BRD10: variants seen among roughly 807,000 people sequenced by gnomAD.
The protein encoded by BRD10 is uncharacterized bromodomain-containing protein 10.
chr9:5,970,914 T>C, the BRD10 span, among the ~76,000 whole-genome samples: 2,243 of 151,822 alleles, frequency 0.015, 42 homozygotes, highest in African/African-American at 0.047. Context: ...TAGCTGGGCA[T>C]GGTGGCACAT....
the BRD10 span, among the ~76,000 whole-genome samples, chr9:5,979,342 C>G: frequency 6.6e-6 from 1 of 152,030 alleles, no homozygotes; most frequent in African/African-American, 2.4e-5. Flanking sequence ...AGTGAGACCT[C>G]GTCTTTACGA....
the BRD10 span, among the ~76,000 whole-genome samples, chr9:5,915,638 A>T: frequency 6.6e-6 from 1 of 152,176 alleles, no homozygotes; most frequent in South Asian, 2.1e-4. Flanking sequence ...CCCAGTTATA[A>T]ACGTACTTGC....
the BRD10 span, among the ~76,000 whole-genome samples, chr9:5,947,420 A>T: frequency 0.24 from 36,903 of 151,920 alleles, 4,653 homozygotes; most frequent in South Asian, 0.36. Flanking sequence ...TGAGTATGAA[A>T]ATACAAGATT....
chr9:6,007,902 G>C, the BRD10 span: 36 of 1,363,446 alleles, frequency 2.6e-5, no homozygotes, highest in African/African-American at 9.2e-5. Flanking sequence ...CCGCCACATC[G>C]GGCCTGGCTC....
the BRD10 span, among the ~76,000 whole-genome samples, chr9:5,975,401 T>A: frequency 8.2e-6 from 1 of 122,106 alleles, no homozygotes; most frequent in Non-Finnish European, 1.6e-5. Context: ...ATCGCACCAC[T>A]GCACTCCAGC....
At chr9:5,943,678 A>C in the BRD10 span, among the ~76,000 whole-genome samples, 9 of 152,178 alleles carry the variant, frequency 5.9e-5, no homozygotes, top group Non-Finnish European at 1.3e-4. Context: ...CTATACACCT[A>C]AAGTGTATAC....
At chr9:5,936,107 G>C in the BRD10 span, among the ~76,000 whole-genome samples, 17 of 152,132 alleles carry the variant, frequency 1.1e-4, no homozygotes, top group Admixed American at 1.0e-3. Flanking sequence ...TATAGTCGCA[G>C]CATTTTGGGA....
chr9:5,921,659 G>C, the BRD10 span: 2 of 1,613,764 alleles, frequency 1.2e-6, no homozygotes, highest in Non-Finnish European at 1.7e-6. Flanking sequence ...GTAACTTTTT[G>C]TGATATAATC....
chr9:5,901,582 A>C, the BRD10 span, among the ~76,000 whole-genome samples: 1 of 151,962 alleles, frequency 6.6e-6, no homozygotes, highest in Non-Finnish European at 1.5e-5. Flanking sequence ...GCAGTGGCTC[A>C]ATCTCAGCTT....
At chr9:5,892,614 C>T in the BRD10 span, 1 of 1,375,434 alleles carries the variant, frequency 7.3e-7, no homozygotes, top group South Asian at 1.2e-5. Flanking sequence ...AGCCTGCTGA[C>T]TTCCACCAGT....
chr9:5,921,428 A>G, the BRD10 span: 3 of 1,613,976 alleles, frequency 1.9e-6, no homozygotes, highest in Non-Finnish European at 2.5e-6. Flanking sequence ...TGATTCTGCA[A>G]CAAGAGTTGG....
At chr9:5,932,839 G>A in the BRD10 span, among the ~76,000 whole-genome samples, 3 of 152,090 alleles carry the variant, frequency 2.0e-5, no homozygotes, top group Non-Finnish European at 2.9e-5. Context: ...TCTTGTGTAA[G>A]TACCTATATT....
At chr9:5,897,482 A>T in the BRD10 span, 3 of 1,360,228 alleles carry the variant, frequency 2.2e-6, no homozygotes, top group East Asian at 6.9e-5. Flanking sequence ...ATGAAGAGGA[A>T]GACTGATTTA....
the BRD10 span, chr9:5,908,780 C>G: frequency 7.1e-7 from 1 of 1,408,284 alleles, no homozygotes. Flanking sequence ...ATACAGACAT[C>G]TAATGTTCTC....
the BRD10 span, among the ~76,000 whole-genome samples, chr9:5,989,786 C>T: frequency 6.6e-6 from 1 of 152,194 alleles, no homozygotes; most frequent in Non-Finnish European, 1.5e-5. Flanking sequence ...ACCTTGGCCT[C>T]CCAAAGTGCT....
chr9:5,964,198 C>T, the BRD10 span, among the ~76,000 whole-genome samples: 1 of 146,166 alleles, frequency 6.8e-6, no homozygotes, highest in Non-Finnish European at 1.5e-5. Context: ...TGAACTCAAA[C>T]AAATTTACAA....
chr9:5,947,943 A>G, the BRD10 span, among the ~76,000 whole-genome samples: 7 of 152,260 alleles, frequency 4.6e-5, no homozygotes, highest in South Asian at 1.5e-3. Context: ...GCAGGGGTGA[A>G]CACGAAACTC....
At chr9:5,929,636 A>G in the BRD10 span, among the ~76,000 whole-genome samples, 1 of 152,168 alleles carries the variant, frequency 6.6e-6, no homozygotes, top group Admixed American at 6.5e-5. Flanking sequence ...TTATTTTACA[A>G]TGTTTCTAGC....
At chr9:5,943,525 T>G in the BRD10 span, among the ~76,000 whole-genome samples, 1 of 149,906 alleles carries the variant, frequency 6.7e-6, no homozygotes, top group Non-Finnish European at 1.5e-5. Flanking sequence ...ACAGAATTAG[T>G]CCTTTCTGAG....
Sources: allele counts gnomAD v4.1 joint callset (sites outside exome capture counted in the v4.1 genomes callset), GRCh38; gene constraint gnomAD v4.1.1; transcripts MANE v1.5; gene names NCBI Gene and HGNC (gene_info 2026-07-23, HGNC 2026-07-21).